TEX26: variants seen among roughly 807,000 people sequenced by gnomAD.
The protein encoded by TEX26 is testis expressed 26, also known as testis-expressed protein 26.
In TEX26, 34 loss-of-function variants were observed where a neutral mutation model predicts 35.3. The observed-to-expected ratio is 0.96, with a 90% CI of 0.73 to 1.28. The LOEUF is 1.28. TEX26 is among the 50% of genes most tolerant of loss of function. The pLI is 0.00. For synonymous variants in TEX26, 136 were observed against 111.8 expected (o/e 1.22, Z -1.36); for missense variants, 371 against 330.1 (o/e 1.12, Z -0.96).
In TEX26 at chr13:30,974,966, C is replaced by T; in HGVS notation, c.*59C>T. ...AAATCAATGGAAGCACGAGGACATT[C>T]CTAGTCATTTTCTCAATTATCAAGG... On this transcript the variant is annotated 3_prime_UTR_variant, in exon 7 of 7. Coordinates refer to ENST00000380473, the MANE Select transcript of TEX26 (RefSeq NM_152325.3). 1 of 1,182,736 alleles carries T rather than the reference C, an allele frequency of 8.5e-7. No individual in the cohort carries two copies. Among genetic ancestry groups the T allele is most frequent in the Middle Eastern group, 1.9e-4 (1 of 5,160 alleles). 73.3% of individuals were successfully genotyped at this position (1,182,736 alleles called of 1,614,324 possible). A position where few individuals can be genotyped will look rare whatever the true frequency, so the allele number is the denominator to read the frequency against.
intron 2 of TEX26, among the ~76,000 whole-genome samples, chr13:30,943,829 T>C (rs1271790157): frequency 6.6e-6 from 1 of 152,016 alleles, no homozygotes; most frequent in Non-Finnish European, 1.5e-5. Context: ...GATTATTGCA[T>C]ATTATCTTTT....
At chr13:30,972,445 A>AT (rs146264601) in intron 6 of TEX26, among the ~76,000 whole-genome samples, 4,695 of 152,128 alleles carry the variant, frequency 0.031, 229 homozygotes, top group African/African-American at 0.11. Flanking sequence ...AGAAGAAAGG[A>AT]TTTTTTTCTT....
intron 2 of TEX26, among the ~76,000 whole-genome samples, chr13:30,951,108 G>A (rs1265393895): frequency 6.6e-6 from 1 of 152,132 alleles, no homozygotes; most frequent in Non-Finnish European, 1.5e-5. Context: ...CAGCTACTTG[G>A]GAGTTTGAGG....
At chr13:30,943,030 A>G (rs750794622) in intron 2 of TEX26, among the ~76,000 whole-genome samples, 13 of 151,994 alleles carry the variant, frequency 8.6e-5, no homozygotes, top group Non-Finnish European at 1.8e-4. Context: ...GTGAAAAATG[A>G]TGTTGGTATT....
chr13:30,971,268 C>A (rs1954702363), intron 6 of TEX26, among the ~76,000 whole-genome samples: 1 of 152,226 alleles, frequency 6.6e-6, no homozygotes, highest in African/African-American at 2.4e-5. Context: ...CACAGCAGAG[C>A]TTTTGTGGCT....
chr13:30,962,952 A>G (rs1220737879), intron 4 of TEX26, among the ~76,000 whole-genome samples: 1 of 151,498 alleles, frequency 6.6e-6, no homozygotes, highest in Non-Finnish European at 1.5e-5. Context: ...CCTCCCGAGT[A>G]GCTGGGACTA....
At chr13:30,959,660 T>C (rs1380860808) in intron 4 of TEX26, among the ~76,000 whole-genome samples, 1 of 152,272 alleles carries the variant, frequency 6.6e-6, no homozygotes, top group African/African-American at 2.4e-5. Context: ...TCTACATGCC[T>C]GTCACTATTT....
At chr13:30,933,025 A>T in intron 1 of TEX26, 1 of 425,568 alleles carries the variant, frequency 2.3e-6, no homozygotes, top group Non-Finnish European at 4.2e-6. Flanking sequence ...TAAACACTCG[A>T]GGAAGTGCCT....
chr13:30,936,636 G>A, intron 1 of TEX26: 1 of 966,652 alleles, frequency 1.0e-6, no homozygotes. Context: ...AGGATACATA[G>A]CTCATCTCTT....
chr13:30,957,187 T>C lies in TEX26; in HGVS notation c.469+158T>C, dbSNP rs1593582653. Among the ~76,000 whole-genome samples, 7 of 152,006 alleles carry C rather than the reference T, an allele frequency of 4.6e-5. No individual in the cohort carries two copies. The South Asian group carries it at 1.2e-3, about 27-fold the overall frequency. ...ATAAAAACCATCAAGTATAAAAAGGTGCACCTTGTGGGAAATGCAGGTTGC... is the reference window on the plus strand; with the variant it reads ...ATAAAAACCATCAAGTATAAAAAGGCGCACCTTGTGGGAAATGCAGGTTGC... On this transcript the variant is annotated intron_variant, in intron 4 of 6. Coordinates refer to ENST00000380473, the MANE Select transcript of TEX26 (RefSeq NM_152325.3).
chr13:30,940,296 A>G (rs999645562), intron 2 of TEX26, among the ~76,000 whole-genome samples: 1 of 129,432 alleles, frequency 7.7e-6, no homozygotes, highest in Admixed American at 8.2e-5. Context: ...AGCTGAGAGT[A>G]GTGGGAGTTT....
At chr13:30,961,814 G>C (rs1399495107) in intron 4 of TEX26, among the ~76,000 whole-genome samples, 1 of 152,140 alleles carries the variant, frequency 6.6e-6, no homozygotes, top group Non-Finnish European at 1.5e-5. Context: ...TCAGACCACT[G>C]TTCTTGCATT....
chr13:30,972,688 G>T (rs967688425), intron 6 of TEX26, among the ~76,000 whole-genome samples: 1 of 152,206 alleles, frequency 6.6e-6, no homozygotes, highest in Non-Finnish European at 1.5e-5. Context: ...AGGCTGGAGC[G>T]CAGTGGCGTG....
chr13:30,974,131 A>ATATATATATATATATATATATATAT (rs1555271792), intron 6 of TEX26, among the ~76,000 whole-genome samples: 1 of 84,418 alleles, frequency 1.2e-5, no homozygotes, highest in Non-Finnish European at 2.2e-5. Context: ...AAAAAAAAAA[A>ATATATATATATATATATATATATAT]ATATATATAT....
intron 3 of TEX26, among the ~76,000 whole-genome samples, chr13:30,954,807 C>G (rs566703454): frequency 3.7e-4 from 56 of 152,212 alleles, no homozygotes; most frequent in African/African-American, 1.2e-3. Context: ...CAATATTATA[C>G]TGTATGTATA....
Position 30,939,745 on chromosome 13 carries a change from C to G in TEX26, c.113C>G (p.Thr38Arg). The change falls in exon 2 of 7, where the codon ACG becomes AGG. Residue 38 changes from threonine (T) to arginine (R), a missense_variant. By Grantham distance (71) the Thr-to-Arg change is moderately conservative (BLOSUM62 -1). Coordinates refer to ENST00000380473, the MANE Select transcript of TEX26 (RefSeq NM_152325.3). ...GCTACCACTATGAGGACTGCATTCA[C>G]GCCTAAAACAGGAGCAGTGCCTGCC... ...SYATTMRTAF[T>R]PKTGAVPALI... 1 of 1,614,034 alleles carries G rather than the reference C, an allele frequency of 6.2e-7. No homozygotes were observed. Among genetic ancestry groups the G allele is most frequent in the South Asian group, 1.1e-5 (1 of 91,080 alleles).
chr13:30,959,624 ATTGT>A (rs1455563003), intron 4 of TEX26, among the ~76,000 whole-genome samples: 1 of 152,130 alleles, frequency 6.6e-6, no homozygotes, highest in Non-Finnish European at 1.5e-5. Context: ...ACCAGAATTA[ATTGT>A]TTTTCTCTAC....
intron 3 of TEX26, among the ~76,000 whole-genome samples, chr13:30,955,744 T>A (rs1202030097): frequency 6.6e-6 from 1 of 152,184 alleles, no homozygotes; most frequent in Non-Finnish European, 1.5e-5. Flanking sequence ...TAAGGACTGT[T>A]GGAGCGATTT....
intron 1 of TEX26, among the ~76,000 whole-genome samples, chr13:30,937,190 C>T (rs1057496436): frequency 4.6e-5 from 7 of 152,090 alleles, no homozygotes; most frequent in Non-Finnish European, 7.3e-5. Context: ...TGCTCTTGTC[C>T]GTCAGACTCC....
Sources: gnomAD v4.1 joint callset for allele counts (sites outside exome capture counted in the v4.1 genomes callset) on GRCh38, gnomAD v4.1.1 for gene constraint, MANE v1.5 for transcripts, NCBI Gene and HGNC (gene_info 2026-07-23, HGNC 2026-07-21) for gene names.